VPS13B: variants seen among roughly 807,000 people sequenced by gnomAD.
VPS13B encodes intermembrane lipid transfer protein VPS13B.
Under a neutral mutation model 426.4 loss-of-function variants are expected in VPS13B, and 285 were observed. The observed-to-expected ratio is 0.67, with a 90% CI of 0.61 to 0.74. VPS13B has a LOEUF of 0.74. Among genes scored for constraint, VPS13B ranks in the 30% least tolerant of loss-of-function variants. The pLI is 0.00. For synonymous variants in VPS13B, 1,676 were observed against 1,676.4 expected (o/e 1.00, Z 0.01); for missense variants, 4,537 against 4,782.6 (o/e 0.95, Z 1.51).
chr8:99,715,290 A>G (rs957586819), intron 36 of VPS13B, among the ~76,000 whole-genome samples: 19 of 152,218 alleles, frequency 1.2e-4, no homozygotes, highest in Non-Finnish European at 2.4e-4. Flanking sequence ...TCAATGGAAC[A>G]TGTCCTGAAT....
chr8:99,246,849 C>CA (rs11312937), intron 17 of VPS13B, among the ~76,000 whole-genome samples: 81 of 135,856 alleles, frequency 6.0e-4, no homozygotes, highest in East Asian at 2.2e-3. Context: ...GACTCTGTCT[C>CA]AAAAAAAAAA....
intron 33 of VPS13B, among the ~76,000 whole-genome samples, chr8:99,627,919 C>T (rs756115655): frequency 3.9e-5 from 6 of 152,138 alleles, no homozygotes; most frequent in Non-Finnish European, 7.3e-5. Context: ...CTCTCTCCTA[C>T]GCACCCCTCA....
chr8:99,697,687 A>G, intron 35 of VPS13B: 1 of 640,512 alleles, frequency 1.6e-6, no homozygotes, highest in South Asian at 1.6e-5. Flanking sequence ...CGAGGGCTTG[A>G]TCTCACACCT....
At chr8:99,233,270 T>G in intron 17 of VPS13B, 1 of 1,175,902 alleles carries the variant, frequency 8.5e-7, no homozygotes, top group South Asian at 1.2e-5. Flanking sequence ...TTGCCACCTT[T>G]GCCAATCACC....
chr8:99,734,616 T>G (rs1225568454), intron 39 of VPS13B, among the ~76,000 whole-genome samples: 1 of 152,198 alleles, frequency 6.6e-6, no homozygotes, highest in Non-Finnish European at 1.5e-5. Context: ...AAATAAGCAC[T>G]TTATTCTGTG....
chr8:99,150,583 C>T (rs1410703661), intron 14 of VPS13B, among the ~76,000 whole-genome samples: 1 of 152,192 alleles, frequency 6.6e-6, no homozygotes, highest in Non-Finnish European at 1.5e-5. Context: ...GATCTTTTTA[C>T]TGTCCTCACA....
At chr8:99,141,892 A>C (rs1297562066) in intron 12 of VPS13B, among the ~76,000 whole-genome samples, 2 of 151,088 alleles carry the variant, frequency 1.3e-5, no homozygotes, top group Admixed American at 1.3e-4. Flanking sequence ...AAAAAAAAAA[A>C]AAAAAACAAA....
intron 20 of VPS13B, among the ~76,000 whole-genome samples, chr8:99,384,796 C>T (rs1249208091): frequency 2.0e-5 from 3 of 152,206 alleles, no homozygotes; most frequent in Non-Finnish European, 2.9e-5. Context: ...TCTTGTGCCT[C>T]ATCCTCCCAA....
intron 21 of VPS13B, among the ~76,000 whole-genome samples, chr8:99,419,511 G>T (rs1816258808): frequency 6.6e-6 from 1 of 152,066 alleles, no homozygotes. Context: ...ATCTGAGTTT[G>T]CAAGGCTTAT....
intron 17 of VPS13B, among the ~76,000 whole-genome samples, chr8:99,198,421 AATT>A (rs745459917): frequency 5.3e-5 from 8 of 152,026 alleles, no homozygotes; most frequent in East Asian, 1.9e-4. Flanking sequence ...AAGCTCATGA[AATT>A]ATTATTTGCT....
At chr8:99,708,849 C>A (rs1620630) in intron 36 of VPS13B, among the ~76,000 whole-genome samples, 111,150 of 147,212 alleles carry the variant, frequency 0.76, 42,676 homozygotes, top group Middle Eastern at 0.83. Context: ...CTCTCTCTCT[C>A]TATATATATA....
chr8:99,029,111 G>A (rs1257915602), intron 2 of VPS13B, among the ~76,000 whole-genome samples: 2 of 150,758 alleles, frequency 1.3e-5, no homozygotes, highest in Non-Finnish European at 3.0e-5. Context: ...GGTTGCGGCC[G>A]GGCAGAGGCG....
At chr8:99,389,639 A>G (rs766265640) in intron 20 of VPS13B, 1 of 152,238 alleles carries the variant, frequency 6.6e-6, no homozygotes, top group Non-Finnish European at 1.5e-5. Context: ...GAAGGTCTTC[A>G]TGTTGAATAG....
chr8:99,688,170 C>A (rs963382161), intron 35 of VPS13B, among the ~76,000 whole-genome samples: 3 of 80,384 alleles, frequency 3.7e-5, no homozygotes, highest in African/African-American at 1.4e-4. Flanking sequence ...GGAGCTTGTT[C>A]TTTTGTTTCT....
intron 16 of VPS13B, among the ~76,000 whole-genome samples, chr8:99,183,135 A>T (rs1331512602): frequency 6.6e-6 from 1 of 152,216 alleles, no homozygotes; most frequent in African/African-American, 2.4e-5. Context: ...AGGTATCAGA[A>T]TGAACTCATG....
chr8:99,269,498 A>C (rs1435889761), intron 17 of VPS13B, among the ~76,000 whole-genome samples: 1 of 152,196 alleles, frequency 6.6e-6, no homozygotes, highest in Non-Finnish European at 1.5e-5. Context: ...GTTCTGTATA[A>C]AGTTTAGCCA....
intron 19 of VPS13B, among the ~76,000 whole-genome samples, chr8:99,355,670 A>G (rs1178915355): frequency 6.6e-6 from 1 of 151,974 alleles, no homozygotes; most frequent in Non-Finnish European, 1.5e-5. Context: ...CTTCATACCA[A>G]GTATGTTCCT....
At position 99,511,172 on chromosome 8, in the gene VPS13B, T is replaced by G. The variant is rs777067859; in HGVS notation, c.4293T>G (p.Ala1431=). ...HGFLSLTYTK[A]VTKNVRHKLT... ...TCCTCTCTCTGACATACACAAAAGC[T>G]GTAACAAAAAATGTCCGCCACAAGT... The change falls in exon 29 of 62, where the codon GCT becomes GCG. Residue 1431 remains alanine (A), a synonymous_variant. Transcript: ENST00000357162. 1 of 1,614,004 alleles carries G rather than the reference T, an allele frequency of 6.2e-7. No individual in the cohort carries two copies. The highest frequency in any genetic ancestry group is 1.7e-5 in the Admixed American group (1 of 60,002).
At chr8:99,394,535 G>A (rs1272591384) in intron 21 of VPS13B, among the ~76,000 whole-genome samples, 1 of 152,148 alleles carries the variant, frequency 6.6e-6, no homozygotes, top group Non-Finnish European at 1.5e-5. Flanking sequence ...TGTTCCACAT[G>A]AAGATAATCT....
Sources: gnomAD v4.1 joint callset for allele counts (sites outside exome capture counted in the v4.1 genomes callset) on GRCh38, gnomAD v4.1.1 for gene constraint, MANE v1.5 for transcripts, NCBI Gene and HGNC (gene_info 2026-07-23, HGNC 2026-07-21) for gene names.